The following LAMA2 variants were observed in gnomAD, a reference collection of about 807,000 sequenced individuals.
LAMA2 encodes the protein laminin subunit alpha-2.
A neutral mutation model predicts 364.8 loss-of-function variants in LAMA2; 269 were observed. That is an observed-to-expected ratio of 0.74 (90% confidence interval 0.67 to 0.82). The LOEUF is 0.82. Ranked by LOEUF, LAMA2 falls within the 40% of genes least tolerant of loss-of-function variation. LAMA2 has a pLI of 0.00. For missense variants in LAMA2, 3,807 were observed against 3,873.2 expected (o/e 0.98, Z 0.45); for synonymous variants, 1,379 against 1,370.6 (o/e 1.01, Z -0.14).
At chr6:129,163,767 G>C (rs1779581591) in intron 8 of LAMA2, among the ~76,000 whole-genome samples, 1 of 152,170 alleles carries the variant, frequency 6.6e-6, no homozygotes, top group Non-Finnish European at 1.5e-5. Context: ...GTAGTCATTA[G>C]GTTGACTACT....
At chr6:129,442,307 C>T in intron 43 of LAMA2, 1 of 939,988 alleles carries the variant, frequency 1.1e-6, no homozygotes, top group Non-Finnish European at 1.4e-6. Context: ...ACACATATAA[C>T]ATAAACTTCA....
At chr6:129,478,537 C>A (rs2784895) in intron 53 of LAMA2, 156 bp from the exon 54 acceptor site, 5 of 725,880 alleles carry the variant, frequency 6.9e-6, no homozygotes, top group South Asian at 1.6e-5. Flanking sequence ...AACCAGTAGA[C>A]AATGGAAACC....
chr6:129,315,408 G>A (rs541460918), intron 24 of LAMA2, 68 bp from the exon 25 acceptor site: 217 of 1,405,666 alleles, frequency 1.5e-4, no homozygotes, highest in Admixed American at 3.0e-4. Context: ...CATGCAGTTC[G>A]TAACTTAGTT....
chr6:129,422,163 G>A (rs1281615630), intron 40 of LAMA2, among the ~76,000 whole-genome samples: 1 of 151,976 alleles, frequency 6.6e-6, no homozygotes, highest in Non-Finnish European at 1.5e-5. Flanking sequence ...CTGCCTCCCT[G>A]CCTTTCCTTA....
chr6:129,266,637 T>A (rs1787534192), intron 15 of LAMA2, among the ~76,000 whole-genome samples: 1 of 152,234 alleles, frequency 6.6e-6, no homozygotes, highest in African/African-American at 2.4e-5. Flanking sequence ...CTGGAAATGA[T>A]GACGTTAAGG....
intron 53 of LAMA2, among the ~76,000 whole-genome samples, chr6:129,477,778 A>T (rs781265953): frequency 2.1e-5 from 3 of 145,700 alleles, no homozygotes; most frequent in African/African-American, 8.3e-5. Flanking sequence ...TTAATCTGTT[A>T]AAAAAAAACA....
At position 129,460,276 on chromosome 6, in the gene LAMA2, T is replaced by C. The variant is rs1364234792; in HGVS notation, c.6944T>C (p.Leu2315Ser). ...ETYFDNKPIG[L>S]WNFREKEGDC... is the part of the protein sequence containing the mutation. ...TACTTTGACAACAAACCTATAGGTTTGTGGAATTTCCGAGAAAAAGAAGGT... is the reference window on the plus strand; with the variant it reads ...TACTTTGACAACAAACCTATAGGTTCGTGGAATTTCCGAGAAAAAGAAGGT... Residue 2315 changes from leucine (L) to serine (S), a missense_variant, in exon 49 of 65, where the codon TTG (leucine) becomes TCG (serine). By Grantham distance (145) the Leu-to-Ser change is moderately radical. Coordinates refer to ENST00000421865, the MANE Select transcript of LAMA2 (RefSeq NM_000426.4). 6.2e-7 allele frequency: 1 copy of C among 1,612,406 alleles called. No individual in the cohort carries two copies. The highest frequency in any genetic ancestry group is 1.7e-5 in the Admixed American group (1 of 59,890).
intron 12 of LAMA2, among the ~76,000 whole-genome samples, chr6:129,231,033 T>C (rs574208720): frequency 6.6e-6 from 1 of 152,206 alleles, no homozygotes; most frequent in African/African-American, 2.4e-5. Flanking sequence ...ACACTAAATA[T>C]CAGTAGCACT....
intron 48 of LAMA2, among the ~76,000 whole-genome samples, chr6:129,457,300 A>G (rs898414387): frequency 3.3e-5 from 5 of 152,144 alleles, no homozygotes; most frequent in African/African-American, 1.2e-4. Flanking sequence ...CACACGCTGA[A>G]GTTATCCTCG....
Position 129,366,936 on chromosome 6 carries a change from T to A in LAMA2, c.4860+575T>A, listed in dbSNP as rs1182836496. The stretch of plus-strand genomic sequence containing the variant: ...TGTGACTAACGTGCTCAGTCTGCCA[T>A]AGGCTCAAACACACAGGCAAATGTA... On this transcript the variant is annotated intron_variant, in intron 33 of 64. Coordinates refer to ENST00000421865, the MANE Select transcript of LAMA2 (RefSeq NM_000426.4). Among the ~76,000 whole-genome samples the A allele has an allele frequency of 2.0e-5, 3 of 152,226 alleles. No individual in the cohort carries two copies. The East Asian group carries it at 5.8e-4, about 29-fold the overall frequency.
At position 128,898,053 on chromosome 6, in the gene LAMA2, C is replaced by T. The variant is rs1776876491; in HGVS notation, c.112+14696C>T. Among the ~76,000 whole-genome samples, 8 of 152,216 alleles carry T rather than the reference C, an allele frequency of 5.3e-5. 1 individual carries two copies. The South Asian group carries it at 1.7e-3, about 32-fold the overall frequency. On this transcript the variant is annotated intron_variant, in intron 1 of 64. Coordinates refer to ENST00000421865, the MANE Select transcript of LAMA2 (RefSeq NM_000426.4). ...CTTTAAGAGAATGAAAATAGTAGTG[C>T]CTTTTTAAGGATTAAATGGAATTAA...
chr6:129,427,655 T>C (rs1287411014), intron 40 of LAMA2, 97 bp from the exon 41 acceptor site: 3 of 849,492 alleles, frequency 3.5e-6, no homozygotes, highest in Non-Finnish European at 6.1e-6. Context: ...CAGAGCTCTT[T>C]CCTAAAGGCA....
intron 41 of LAMA2, among the ~76,000 whole-genome samples, chr6:129,430,690 C>A (rs148345503): frequency 6.5e-4 from 99 of 152,120 alleles, no homozygotes; most frequent in Non-Finnish European, 1.3e-3. Context: ...TAAGGCCGGG[C>A]GCAGTGGCTC....
intron 1 of LAMA2, among the ~76,000 whole-genome samples, chr6:128,950,226 C>T (rs1780727607): frequency 6.6e-6 from 1 of 152,088 alleles, no homozygotes; most frequent in Non-Finnish European, 1.5e-5. Flanking sequence ...GAGAATGGGG[C>T]ACTCAGAGAA....
At chr6:129,148,009 G>C (rs1778570708) in intron 6 of LAMA2, among the ~76,000 whole-genome samples, 1 of 151,918 alleles carries the variant, frequency 6.6e-6, no homozygotes, top group Non-Finnish European at 1.5e-5. Context: ...GTGTGTCATG[G>C]TCATTTGCTG....
chr6:128,891,086 A>T (rs190533727), intron 1 of LAMA2, among the ~76,000 whole-genome samples: 1 of 152,190 alleles, frequency 6.6e-6, no homozygotes, highest in East Asian at 1.9e-4. Context: ...CCTAATTTGT[A>T]TATTTAGTAT....
chr6:129,509,814 A>G lies in LAMA2; in HGVS notation c.8857+2172A>G, dbSNP rs113774027. The stretch of plus-strand genomic sequence containing the variant: ...ATTCTTCCAATTTTGTTCCTTTTGC[A>G]TAGGATAGCTGTGGCTATTCTGGGT... On this transcript the variant is annotated intron_variant, in intron 62 of 64. Coordinates refer to ENST00000421865, the MANE Select transcript of LAMA2 (RefSeq NM_000426.4). Among the ~76,000 whole-genome samples the G allele has an allele frequency of 8.2e-3, 1,255 of 152,174 alleles. 11 individuals are homozygous for G. Among genetic ancestry groups the G allele is most frequent in the Non-Finnish European group, 0.014 (935 of 67,958 alleles).
At chr6:129,459,619 A>C (rs560196735) in intron 48 of LAMA2, among the ~76,000 whole-genome samples, 1 of 152,168 alleles carries the variant, frequency 6.6e-6, no homozygotes, top group East Asian at 1.9e-4. Context: ...AAATTTAAAA[A>C]TTTACAGCAG....
At chr6:128,928,772 T>A (rs1054587740) in intron 1 of LAMA2, among the ~76,000 whole-genome samples, 9 of 152,246 alleles carry the variant, frequency 5.9e-5, no homozygotes, top group African/African-American at 2.2e-4. Flanking sequence ...TGATCAGTTG[T>A]CAAAGTAATG....
Sources: allele counts gnomAD v4.1 joint callset (sites outside exome capture counted in the v4.1 genomes callset), GRCh38; gene constraint gnomAD v4.1.1; transcripts MANE v1.5; gene names NCBI Gene and HGNC (gene_info 2026-07-23, HGNC 2026-07-21).